Variants in SAMD7 observed in about 807,000 individuals in gnomAD.
SAMD7 encodes the protein sterile alpha motif domain containing 7.
A neutral mutation model predicts 36.7 loss-of-function variants in SAMD7; 34 were observed. The ratio of observed to expected loss-of-function variants is 0.93; its 90% CI spans 0.71 to 1.23. The LOEUF (loss-of-function observed/expected upper bound fraction) is 1.23, where lower values mean the gene tolerates loss of function less well. Among genes scored for constraint, SAMD7 ranks in the 50% most tolerant of loss-of-function variants. SAMD7 has a pLI of 0.00. For missense variants in SAMD7, 570 were observed against 546.6 expected (o/e 1.04, Z -0.43); for synonymous variants, 188 against 189.7 (o/e 0.99, Z 0.07).
At position 169,938,416 on chromosome 3, in the gene SAMD7, T is replaced by A. The variant is rs1022018335; in HGVS notation, c.1251T>A (p.Asp417Glu). The A allele has an allele frequency of 6.2e-7, 1 of 1,611,604 alleles. No homozygotes were observed. Among genetic ancestry groups the A allele is most frequent in the Non-Finnish European group, 8.5e-7 (1 of 1,177,660 alleles). ...DQPADTSPLL[D>E]PNSWSDTMNI... is the part of the protein sequence containing the mutation. ...CAGCAGATACATCCCCTCTTCTGGA[T>A]CCTAATTCCTGGAGTGATACAATGA... Residue 417 changes from aspartate to glutamate, a missense_variant, in exon 9 of 9, where the codon GAT becomes GAA. Coordinates refer to ENST00000335556, the MANE Select transcript of SAMD7 (RefSeq NM_001304366.2).
chr3:169,925,680 TGCACCAC>T (rs1713229731), intron 5 of SAMD7, among the ~76,000 whole-genome samples: 1 of 152,152 alleles, frequency 6.6e-6, no homozygotes, highest in African/African-American at 2.4e-5. Context: ...GAGCCGAGAT[TGCACCAC>T]TGTGCTCCAG....
intron 2 of SAMD7, among the ~76,000 whole-genome samples, chr3:169,916,054 T>TTTTC (rs1712785021): frequency 6.6e-6 from 1 of 151,794 alleles, no homozygotes. Flanking sequence ...GTCCCTTTGT[T>TTTTC]TTTGTTTGAT....
intron 2 of SAMD7, among the ~76,000 whole-genome samples, chr3:169,919,150 T>A (rs1248410792): frequency 6.6e-6 from 1 of 151,888 alleles, no homozygotes; most frequent in Non-Finnish European, 1.5e-5. Flanking sequence ...ATCTCAAAAA[T>A]CAACAACAAC....
At chr3:169,913,083 T>G (rs1408724922) in intron 1 of SAMD7, among the ~76,000 whole-genome samples, 3 of 152,218 alleles carry the variant, frequency 2.0e-5, no homozygotes, top group Non-Finnish European at 2.9e-5. Context: ...CTCATTTTAA[T>G]TTAAGAATTT....
chr3:169,917,592 A>G (rs1446436447), intron 2 of SAMD7, among the ~76,000 whole-genome samples: 1 of 151,338 alleles, frequency 6.6e-6, no homozygotes, highest in Non-Finnish European at 1.5e-5. Flanking sequence ...AAACAATCCA[A>G]TTATACTTAG....
intron 2 of SAMD7, among the ~76,000 whole-genome samples, chr3:169,918,703 A>G (rs1447486292): frequency 6.6e-6 from 1 of 152,248 alleles, no homozygotes; most frequent in Admixed American, 6.5e-5. Flanking sequence ...CTAATTAGAT[A>G]TACTTTTAGA....
intron 2 of SAMD7, among the ~76,000 whole-genome samples, chr3:169,918,482 C>G (rs1712908789): frequency 6.6e-6 from 1 of 152,116 alleles, no homozygotes; most frequent in Non-Finnish European, 1.5e-5. Flanking sequence ...ATGACCTGTT[C>G]AACTAGTACT....
intron 1 of SAMD7, 48 bp from the exon 2 acceptor site, chr3:169,915,319 C>T (rs1712751018): frequency 6.6e-6 from 1 of 152,144 alleles, no homozygotes; most frequent in Non-Finnish European, 1.5e-5. Context: ...CACGGGCTTC[C>T]TGGGATTACC....
chr3:169,915,121 A>G (rs1265506699), intron 1 of SAMD7, among the ~76,000 whole-genome samples: 1 of 152,208 alleles, frequency 6.6e-6, no homozygotes, highest in Non-Finnish European at 1.5e-5. Context: ...CCCTCAACCA[A>G]TGGCCAACAG....
intron 8 of SAMD7, 25 bp downstream of exon 8, chr3:169,936,474 T>A: frequency 8.3e-7 from 1 of 1,203,862 alleles, no homozygotes; most frequent in Non-Finnish European, 1.2e-6. Context: ...TATAACTAAT[T>A]ATGTATTAAT....
chr3:169,937,330 T>C (rs548328821), intron 8 of SAMD7, among the ~76,000 whole-genome samples: 2 of 152,184 alleles, frequency 1.3e-5, no homozygotes, highest in Non-Finnish European at 2.9e-5. Flanking sequence ...GCCATGGTGG[T>C]TTGCTGCACC....
intron 8 of SAMD7, among the ~76,000 whole-genome samples, chr3:169,936,825 G>C (rs928562043): frequency 6.6e-6 from 1 of 151,756 alleles, no homozygotes; most frequent in Non-Finnish European, 1.5e-5. Context: ...CATCCCACTC[G>C]GGAGTGCTGC....
At chr3:169,931,799 C>A (rs564603227) in intron 7 of SAMD7, among the ~76,000 whole-genome samples, 1 of 152,160 alleles carries the variant, frequency 6.6e-6, no homozygotes, top group East Asian at 1.9e-4. Flanking sequence ...TGGGGCTGCC[C>A]CTCCTCGGGG....
rs189175409 is a variant in SAMD7 at position 169,929,507 on chromosome 3, G to A, written c.1041+929G>A. Among the ~76,000 whole-genome samples the A allele has an allele frequency of 1.4e-4, 22 of 151,932 alleles. No homozygotes were observed. In the East Asian group the frequency reaches 4.1e-3, roughly 28 times the overall value. On this transcript the variant is annotated intron_variant, in intron 7 of 8. Coordinates refer to ENST00000335556, the MANE Select transcript of SAMD7 (RefSeq NM_001304366.2). ...ATTATTATTTTTTAGTTCAGTTTACGGGACTTACGGAAAAACTATATAGAG... is the reference window on the plus strand; with the variant it reads ...ATTATTATTTTTTAGTTCAGTTTACAGGACTTACGGAAAAACTATATAGAG...
At chr3:169,931,809 G>T (rs974574724) in intron 7 of SAMD7, among the ~76,000 whole-genome samples, 8 of 152,132 alleles carry the variant, frequency 5.3e-5, no homozygotes, top group African/African-American at 1.9e-4. Flanking sequence ...CCTCCTCGGG[G>T]GCCATGCTGC....
At position 169,926,885 on chromosome 3, in the gene SAMD7, A is replaced by C; in HGVS notation, c.623A>C (p.Lys208Thr). Reference protein sequence around the residue: ...AESSKSQAEEKILGQTHAVPY... With the variant: ...AESSKSQAEETILGQTHAVPY... ...AGTTCCAAAAGTCAAGCAGAAGAAA[A>C]AATCCTAGGTCAGACTCATGCAGTT... The change falls in exon 6 of 9, where the codon AAA becomes ACA. Residue 208 changes from lysine to threonine, a missense_variant. Transcript: ENST00000335556. 6.2e-7 allele frequency: 1 copy of C among 1,613,846 alleles called. No homozygotes were observed. The highest frequency in any genetic ancestry group is 2.2e-5 in the East Asian group (1 of 44,846).
chr3:169,929,370 T>C (rs763378680), intron 7 of SAMD7, among the ~76,000 whole-genome samples: 24 of 148,660 alleles, frequency 1.6e-4, no homozygotes, highest in Non-Finnish European at 3.4e-4. Flanking sequence ...GAAAAGGATA[T>C]TAAGGTTTAA....
intron 1 of SAMD7, among the ~76,000 whole-genome samples, chr3:169,913,541 A>C (rs1287139019): frequency 6.6e-6 from 1 of 152,202 alleles, no homozygotes; most frequent in Admixed American, 6.5e-5. Flanking sequence ...GTCTGAAGAC[A>C]GAGATTAAGG....
At position 169,921,237 on chromosome 3, in the gene SAMD7, C is replaced by A. The variant is rs1161284050; in HGVS notation, c.110C>A (p.Ala37Asp). Residue 37 changes from alanine to aspartate, a missense_variant, in exon 4 of 9, where the codon GCT (alanine) becomes GAT (aspartate). Physicochemically the swap from Ala to Asp is moderately radical, Grantham distance 126 (BLOSUM62 -2). Transcript: ENST00000335556. Reference protein sequence around the residue: ...VDRDVLPSTVAPTDPRQFCVP... With the variant: ...VDRDVLPSTVDPTDPRQFCVP... ...AGAGATGTATTGCCTTCCACCGTAG[C>A]TCCAACTGACCCAAGACAGTTTTGC... 6.2e-7 allele frequency: 1 copy of A among 1,613,964 alleles called. No homozygotes were observed. The highest frequency in any genetic ancestry group is 1.7e-5 in the Admixed American group (1 of 60,024).
Sources: allele counts gnomAD v4.1 joint callset (sites outside exome capture counted in the v4.1 genomes callset), GRCh38; gene constraint gnomAD v4.1.1; transcripts MANE v1.5; gene names NCBI Gene and HGNC (gene_info 2026-07-23, HGNC 2026-07-21).